SHANK2: variants seen among roughly 807,000 people sequenced by gnomAD.
SHANK2 encodes the protein SH3 and multiple ankyrin repeat domains 2.
SHANK2 carries 43 observed loss-of-function variants against 133.7 expected under a neutral mutation model. The observed-to-expected ratio is 0.32, with a 90% CI of 0.25 to 0.41. SHANK2 has a LOEUF of 0.41. SHANK2 is among the 10% of genes least tolerant of loss of function. The pLI is 1.00. For synonymous variants in SHANK2, 1,017 were observed against 952.8 expected, an observed-to-expected ratio of 1.07 and a Z score of -1.24; for missense variants, 1,994 against 2,235.8, an observed-to-expected ratio of 0.89 and a Z score of 2.18.
chr11:70,665,056 C>T (rs143033043), intron 15 of SHANK2, among the ~76,000 whole-genome samples: 25 of 152,322 alleles, frequency 1.6e-4, no homozygotes, highest in Admixed American at 4.6e-4. Context: ...CTCTCTTCCC[C>T]GGACCCCCTT....
intron 21 of SHANK2, among the ~76,000 whole-genome samples, chr11:70,499,119 C>T (rs782031713): frequency 1.3e-5 from 2 of 152,248 alleles, no homozygotes; most frequent in Admixed American, 6.5e-5. Context: ...GAGCATTTGC[C>T]GTGCATCCAC....
chr11:70,813,457 G>C (rs1450563066), intron 12 of SHANK2, among the ~76,000 whole-genome samples: 3 of 152,152 alleles, frequency 2.0e-5, no homozygotes, highest in African/African-American at 4.8e-5. Flanking sequence ...GAGGGCCCCT[G>C]TGGCCATCCC....
intron 11 of SHANK2, among the ~76,000 whole-genome samples, chr11:70,891,698 T>A (rs1409684822): frequency 2.6e-5 from 4 of 151,932 alleles, no homozygotes; most frequent in Admixed American, 1.3e-4. Context: ...CAAAAGCGTG[T>A]CCTCCTCCCT....
chr11:70,486,676 G>A lies in SHANK2; in HGVS notation c.3617C>T (p.Thr1206Ile), dbSNP rs1402760723. 6.2e-7 allele frequency: 1 copy of A among 1,611,492 alleles called. No homozygotes were observed. The highest frequency in any genetic ancestry group is 8.5e-7 in the Non-Finnish European group (1 of 1,180,004). The change falls in exon 25 of 26, where the codon ACA becomes ATA. Residue 1206 changes from threonine (T) to isoleucine (I), a missense_variant. By Grantham distance (89) the Thr-to-Ile change is moderately conservative (BLOSUM62 -1). This residue lies in a region of SHANK2 where 797 missense variants were observed against 907.4 expected (regional missense o/e 0.88). Transcript: ENST00000601538. This position sits in a 1 kb window ranked among gnomAD's most constrained non-coding sequence, Gnocchi z 8.0. ...AGPGNYVHPL[T>I]GRLLDPSSPL... ...GGAGCTGGGATCAAGCAGCCGCCCT[G>A]TGAGTGGGTGGACATAATTCCCGGG...
intron 17 of SHANK2, among the ~76,000 whole-genome samples, chr11:70,628,108 T>C (rs1239001213): frequency 5.9e-5 from 9 of 152,176 alleles, no homozygotes; most frequent in African/African-American, 2.2e-4. Context: ...TACAGGCGCA[T>C]GCCACCATGC....
chr11:70,586,830 A>G (rs115968739), intron 17 of SHANK2, among the ~76,000 whole-genome samples: 1 of 152,154 alleles, frequency 6.6e-6, no homozygotes, highest in Non-Finnish European at 1.5e-5. Flanking sequence ...TCACCCCCCC[A>G]GAGTGGGCAG....
rs143420278 is a variant in SHANK2, at chr11:70,534,008, A to G, written c.2062-31077T>C. Reference sequence around the variant, plus strand: ...GCCCATTCTCCAAGAGCTGTGGTACATGGCTGGTCTGAGCTCATCCCAGCC... The same window carrying G: ...GCCCATTCTCCAAGAGCTGTGGTACGTGGCTGGTCTGAGCTCATCCCAGCC... On this transcript the variant is annotated intron_variant, in intron 17 of 25. Coordinates refer to ENST00000601538, the MANE Select transcript of SHANK2 (RefSeq NM_012309.5). Among the ~76,000 whole-genome samples the G allele has an allele frequency of 5.3e-3, 809 of 152,298 alleles. 5 individuals are homozygous for G. Among genetic ancestry groups the G allele is most frequent in the African/African-American group, 0.019 (775 of 41,562 alleles).
rs1332403005 is a variant in SHANK2 at position 71,066,647 on chromosome 11, C to T, written c.1029+8512G>A. 5.9e-5 allele frequency among the ~76,000 whole-genome samples: 9 copies of T among 152,340 alleles called. No individual in the cohort carries two copies. The South Asian group carries it at 1.9e-3, about 32-fold the overall frequency. On this transcript the variant is annotated intron_variant, in intron 9 of 25. Transcript: ENST00000601538. ...ACTTAAATGTCACAGATACAAATTA[C>T]TGCACACTCCAAAGTGTAAATCAGG...
chr11:71,148,350 C>T (rs1469256049), intron 2 of SHANK2, among the ~76,000 whole-genome samples: 2 of 152,192 alleles, frequency 1.3e-5, no homozygotes, highest in African/African-American at 2.4e-5. Context: ...TCCCAAAGTA[C>T]TGGGATTACA....
chr11:70,685,746 C>T (rs1555019372), intron 15 of SHANK2, among the ~76,000 whole-genome samples: 2 of 152,162 alleles, frequency 1.3e-5, no homozygotes, highest in African/African-American at 2.4e-5. Context: ...GAGCACTTTT[C>T]ATGACATACT....
At chr11:71,112,509 G>T in intron 5 of SHANK2, among the ~76,000 whole-genome samples, 1 of 152,192 alleles carries the variant, frequency 6.6e-6, no homozygotes, top group Non-Finnish European at 1.5e-5. Flanking sequence ...AGCTGCAGGG[G>T]AGCTCACCTG....
At chr11:70,507,532 A>G (rs781915452) in intron 17 of SHANK2, among the ~76,000 whole-genome samples, 19 of 152,134 alleles carry the variant, frequency 1.2e-4, no homozygotes, top group Non-Finnish European at 1.9e-4. Context: ...AGGGGCCTGC[A>G]ACAGCCTTTC....
At chr11:70,538,841 T>TG (rs566764639) in intron 17 of SHANK2, among the ~76,000 whole-genome samples, 22 of 152,234 alleles carry the variant, frequency 1.4e-4, no homozygotes, top group African/African-American at 5.3e-4. Flanking sequence ...GGCTGAGTGT[T>TG]GGGGGCAGCC....
chr11:70,620,616 T>C (rs1180012381), intron 17 of SHANK2, among the ~76,000 whole-genome samples: 2 of 151,856 alleles, frequency 1.3e-5, no homozygotes, highest in African/African-American at 4.8e-5. Context: ...GAGTCTGTTG[T>C]TACCGTCTGA....
intron 13 of SHANK2, among the ~76,000 whole-genome samples, chr11:70,801,276 G>A (rs1290802505): frequency 2.0e-5 from 3 of 152,222 alleles, no homozygotes; most frequent in South Asian, 4.1e-4. Flanking sequence ...TGTTTCCAAT[G>A]GGCTTGTACA....
At chr11:71,233,527 T>C (rs1954778745) in intron 1 of SHANK2, among the ~76,000 whole-genome samples, 2 of 152,144 alleles carry the variant, frequency 1.3e-5, no homozygotes, top group African/African-American at 2.4e-5. Flanking sequence ...ATTGGGGGAA[T>C]AAACATGTTC....
intron 10 of SHANK2, among the ~76,000 whole-genome samples, chr11:70,901,647 GA>G (rs1399455500): frequency 6.6e-6 from 1 of 152,182 alleles, no homozygotes; most frequent in African/African-American, 2.4e-5. Context: ...CCTTGAGGGG[GA>G]AATGTTAGGG....
chr11:71,160,020 G>A (rs1952982295), intron 2 of SHANK2, among the ~76,000 whole-genome samples: 1 of 150,952 alleles, frequency 6.6e-6, no homozygotes, highest in Non-Finnish European at 1.5e-5. Flanking sequence ...TACAACATAG[G>A]ACAGAGCGCT....
intron 2 of SHANK2, among the ~76,000 whole-genome samples, chr11:71,181,418 G>A (rs1379090715): frequency 6.6e-5 from 10 of 152,090 alleles, no homozygotes; most frequent in South Asian, 2.1e-4. Flanking sequence ...CAGGAGGATC[G>A]CCGGAGCCCA....
Sources: gnomAD v4.1 joint callset for allele counts (sites outside exome capture counted in the v4.1 genomes callset) on GRCh38, gnomAD v4.1.1 for gene constraint, gnomAD v4.1.1 regional missense constraint, Gnocchi (gnomAD v3.1) non-coding constraint, MANE v1.5 for transcripts, NCBI Gene and HGNC (gene_info 2026-07-23, HGNC 2026-07-21) for gene names.